Variants in RERE observed in about 807,000 individuals in gnomAD.
The protein encoded by RERE is arginine-glutamic acid dipeptide repeats protein.
RERE carries 40 observed loss-of-function variants against 146.1 expected under a neutral mutation model. That is an observed-to-expected ratio of 0.27 (90% CI 0.21 to 0.36). The LOEUF (loss-of-function observed/expected upper bound fraction) is 0.36, where lower values mean the gene tolerates loss of function less well. Ranked by LOEUF, RERE falls within the 10% of genes least tolerant of loss-of-function variation. The pLI is 1.00. For missense variants in RERE, 1,933 were observed against 2,138.7 expected, an observed-to-expected ratio of 0.90 and a Z score of 1.90; for synonymous variants, 1,003 against 866.0, an observed-to-expected ratio of 1.16 and a Z score of -2.78.
intron 22 of RERE, 119 bp from the exon 23 acceptor site, chr1:8,355,239 G>A (rs1222941147): frequency 8.3e-7 from 1 of 1,203,668 alleles, no homozygotes. Context: ...GCAGCCTCCT[G>A]TGTAGCTGAC....
chr1:8,564,820 GTGTATA>G (rs1342457880), intron 4 of RERE, among the ~76,000 whole-genome samples: 1 of 97,908 alleles, frequency 1.0e-5, no homozygotes, highest in Non-Finnish European at 2.0e-5. Flanking sequence ...ATGTATGTGT[GTGTATA>G]TGTGTATGTG....
At chr1:8,611,144 G>T (rs1276636761) in intron 4 of RERE, among the ~76,000 whole-genome samples, 1 of 151,996 alleles carries the variant, frequency 6.6e-6, no homozygotes, top group Admixed American at 6.6e-5. Context: ...GCAGTGAGCT[G>T]AGATCATGCC....
intron 10 of RERE, among the ~76,000 whole-genome samples, chr1:8,470,382 C>G (rs1168603152): frequency 1.3e-5 from 2 of 152,122 alleles, no homozygotes; most frequent in African/African-American, 4.8e-5. Context: ...CTGCCTCAAC[C>G]TCCTGAGTAG....
At chr1:8,574,408 G>A (rs1041809088) in intron 4 of RERE, among the ~76,000 whole-genome samples, 14 of 130,194 alleles carry the variant, frequency 1.1e-4, no homozygotes, top group African/African-American at 2.6e-4. Context: ...GCAGTGGCAC[G>A]ATCTCGGCTC....
intron 4 of RERE, among the ~76,000 whole-genome samples, chr1:8,602,392 A>G (rs1156280245): frequency 2.4e-4 from 6 of 25,146 alleles, no homozygotes; most frequent in Non-Finnish European, 4.1e-4. Flanking sequence ...CTCCATCTCA[A>G]AAAAAAAAAA....
intron 7 of RERE, among the ~76,000 whole-genome samples, chr1:8,523,818 G>A (rs1480551469): frequency 6.6e-6 from 1 of 152,192 alleles, no homozygotes; most frequent in Non-Finnish European, 1.5e-5. Context: ...GGCCCACACA[G>A]GCCAGCCACA....
chr1:8,360,622 T>C lies in RERE; in HGVS notation c.2885A>G (p.Asn962Ser), dbSNP rs763017841. The C allele has an allele frequency of 4.0e-6, 6 of 1,507,172 alleles. No individual in the cohort carries two copies. The highest frequency in any genetic ancestry group is 3.7e-4 in the Middle Eastern group (2 of 5,380). 93.4% of individuals were successfully genotyped at this position (1,507,172 alleles called of 1,614,324 possible). Residue 962 changes from asparagine (N) to serine (S), a missense_variant, in exon 18 of 23, where the codon AAC (asparagine) becomes AGC (serine). Asn to Ser is a conservative substitution (Grantham distance 46). Coordinates refer to ENST00000400908, the MANE Select transcript of RERE (RefSeq NM_001042681.2). ...CTTCAGGGCTGGAGGGGGAGGCAGG[T>C]TGGCATTCATGGAGAAGGGTGAGGG... The part of the protein sequence containing the change: ...SGPSPFSMNA[N>S]LPPPPALKPL...
chr1:8,582,429 G>C (rs11805737), intron 4 of RERE, among the ~76,000 whole-genome samples: 2 of 116,830 alleles, frequency 1.7e-5, no homozygotes, highest in Admixed American at 1.7e-4. Context: ...TTTTTTTTTT[G>C]GGGGGTAGAG....
intron 5 of RERE, 144 bp from the exon 6 acceptor site, chr1:8,556,715 G>A: frequency 3.5e-6 from 2 of 579,222 alleles, no homozygotes; most frequent in Non-Finnish European, 6.2e-6. Context: ...ATAGAGAAGA[G>A]GAATCATAAA....
chr1:8,552,714 C>T (rs1645951533), intron 6 of RERE, among the ~76,000 whole-genome samples: 1 of 152,248 alleles, frequency 6.6e-6, no homozygotes, highest in African/African-American at 2.4e-5. Flanking sequence ...GGGGGCACTG[C>T]CATCCCATTC....
rs145300875 is a variant in RERE, at chr1:8,438,178, G to A, written c.1204-15371C>T. Among the ~76,000 whole-genome samples, 416 of 152,040 alleles carry A rather than the reference G, an allele frequency of 2.7e-3. 3 individuals carry two copies. Among genetic ancestry groups the A allele is most frequent in the African/African-American group, 9.4e-3 (391 of 41,446 alleles). On this transcript the variant is annotated intron_variant, in intron 11 of 22. Transcript: ENST00000400908. Reference sequence around the variant, plus strand: ...TTTAAAAATATTTTTTTGTAGAGACGGGGTTCTCACTATGTTGCCCAGGCT... The same window carrying A: ...TTTAAAAATATTTTTTTGTAGAGACAGGGTTCTCACTATGTTGCCCAGGCT...
chr1:8,638,274 G>A (rs1036795813), intron 2 of RERE, among the ~76,000 whole-genome samples: 5 of 152,110 alleles, frequency 3.3e-5, no homozygotes, highest in Non-Finnish European at 7.4e-5. Context: ...ATTATTTTGA[G>A]ATGTTTTTTC....
chr1:8,531,107 GTCCATCCATCCA>G (rs200605582), intron 7 of RERE, among the ~76,000 whole-genome samples: 3 of 150,410 alleles, frequency 2.0e-5, no homozygotes, highest in South Asian at 2.1e-4. Flanking sequence ...CTATCTATCT[GTCCATCCATCCA>G]TCCATCCATC....
intron 1 of RERE, among the ~76,000 whole-genome samples, chr1:8,756,775 T>A (rs1207144038): frequency 6.6e-6 from 1 of 152,122 alleles, no homozygotes; most frequent in Non-Finnish European, 1.5e-5. Flanking sequence ...GTTTGAAACT[T>A]TGAAAATGAT....
chr1:8,700,173 C>A (rs1376011548), intron 1 of RERE, among the ~76,000 whole-genome samples: 1 of 152,024 alleles, frequency 6.6e-6, no homozygotes, highest in African/African-American at 2.4e-5. Context: ...GGCGTGGTGG[C>A]ACACGCTTGT....
chr1:8,403,193 G>A (rs763834711), intron 12 of RERE, among the ~76,000 whole-genome samples: 18 of 151,482 alleles, frequency 1.2e-4, no homozygotes, highest in Non-Finnish European at 2.1e-4. Context: ...CACCGCGCCC[G>A]GCCAATGATC....
At chr1:8,603,685 A>G (rs1397698902) in intron 4 of RERE, among the ~76,000 whole-genome samples, 2 of 152,216 alleles carry the variant, frequency 1.3e-5, no homozygotes, top group African/African-American at 4.8e-5. Flanking sequence ...CACAAAAACT[A>G]TTTTTGAAGT....
chr1:8,569,413 A>T (rs1265148391), intron 4 of RERE, among the ~76,000 whole-genome samples: 1 of 152,196 alleles, frequency 6.6e-6, no homozygotes, highest in Non-Finnish European at 1.5e-5. Flanking sequence ...AAAGTTACAG[A>T]GCTCAACCAC....
intron 2 of RERE, among the ~76,000 whole-genome samples, chr1:8,646,568 A>T (rs1647319245): frequency 6.6e-6 from 1 of 152,080 alleles, no homozygotes; most frequent in East Asian, 1.9e-4. Flanking sequence ...AAAAAAAAAC[A>T]GGGTCATCAT....
Sources: gnomAD v4.1 joint callset for allele counts (sites outside exome capture counted in the v4.1 genomes callset) on GRCh38, gnomAD v4.1.1 for gene constraint, MANE v1.5 for transcripts, NCBI Gene and HGNC (gene_info 2026-07-23, HGNC 2026-07-21) for gene names.